SPG11: variants seen among roughly 807,000 people sequenced by gnomAD.
The protein encoded by SPG11 is spatacsin.
SPG11 carries 222 observed loss-of-function variants against 274.0 expected under a neutral mutation model. The observed-to-expected ratio is 0.81, with a 90% CI of 0.73 to 0.91. The LOEUF is 0.91. Among genes scored for constraint, SPG11 ranks in the 40% least tolerant of loss-of-function variants. The probability of loss-of-function intolerance (pLI) is 0.00; values close to 1 mark genes in which losing one functional copy is unlikely to be tolerated. For missense variants in SPG11, 3,114 were observed against 2,872.7 expected (o/e 1.08, Z -1.92); for synonymous variants, 1,144 against 1,039.7 (o/e 1.10, Z -1.93).
chr15:44,602,482 T>C (rs575038784), intron 20 of SPG11, among the ~76,000 whole-genome samples: 45 of 151,398 alleles, frequency 3.0e-4, no homozygotes, highest in Middle Eastern at 3.4e-3. Flanking sequence ...ATGGTTTTTG[T>C]CTTTTTTTTT....
At chr15:44,570,774 C>T (rs2082407027) in intron 33 of SPG11, 116 bp from the exon 34 acceptor site, 26 of 1,366,886 alleles carry the variant, frequency 1.9e-5, no homozygotes, top group South Asian at 1.5e-4. Context: ...TGGAGAGGGC[C>T]GTCCCATCAG....
intron 16 of SPG11, among the ~76,000 whole-genome samples, chr15:44,615,065 T>C (rs1385271254): frequency 5.9e-5 from 9 of 152,222 alleles, no homozygotes. Flanking sequence ...AGTAAAACTT[T>C]AGAATCTTCC....
chr15:44,573,377 G>C (rs1215838957), intron 32 of SPG11, 170 bp downstream of exon 32: 1 of 709,622 alleles, frequency 1.4e-6, no homozygotes, highest in African/African-American at 1.8e-5. Flanking sequence ...CATGTATTTT[G>C]TAAAAAATAA....
chr15:44,592,533 A>G, intron 26 of SPG11, 95 bp from the exon 27 acceptor site: 2 of 806,378 alleles, frequency 2.5e-6, no homozygotes, highest in Non-Finnish European at 4.2e-6. Flanking sequence ...AATGCTATTA[A>G]TAAGGCAGGG....
At chr15:44,605,889 G>A (rs1214506054) in intron 20 of SPG11, 136 bp downstream of exon 20, 5 of 764,578 alleles carry the variant, frequency 6.5e-6, no homozygotes, top group Admixed American at 4.2e-5. Context: ...CTGTCTTTGC[G>A]AACTATTTTT....
At chr15:44,612,148 T>C (rs1414713722) in intron 17 of SPG11, among the ~76,000 whole-genome samples, 1 of 152,186 alleles carries the variant, frequency 6.6e-6, no homozygotes, top group Non-Finnish European at 1.5e-5. Context: ...GAAAATTCTG[T>C]TATAATATTA....
chr15:44,616,340 G>A (rs2083593006), intron 15 of SPG11, among the ~76,000 whole-genome samples: 2 of 151,802 alleles, frequency 1.3e-5, no homozygotes, highest in South Asian at 4.2e-4. Flanking sequence ...TGAGTAGCTG[G>A]GACGACAGGC....
chr15:44,630,411 C>A (rs1305343758), intron 8 of SPG11, among the ~76,000 whole-genome samples: 2 of 152,170 alleles, frequency 1.3e-5, no homozygotes, highest in Non-Finnish European at 2.9e-5. Flanking sequence ...CACCAAACAA[C>A]AGAAGTGAAT....
chr15:44,609,577 C>T (rs955591447), intron 18 of SPG11, among the ~76,000 whole-genome samples: 6 of 152,034 alleles, frequency 3.9e-5, no homozygotes, highest in Non-Finnish European at 5.9e-5. Flanking sequence ...AAATAGTAGA[C>T]AATAATTACT....
At chr15:44,570,485 T>C (rs1477394803) in intron 34 of SPG11, 40 bp downstream of exon 34, 2 of 1,613,458 alleles carry the variant, frequency 1.2e-6, no homozygotes, top group Non-Finnish European at 1.7e-6. Context: ...CTCTCAAAGG[T>C]TTCCACAGGA....
chr15:44,574,198 T>TTC (rs1343823534), intron 31 of SPG11, among the ~76,000 whole-genome samples: 1 of 152,202 alleles, frequency 6.6e-6, no homozygotes, highest in Non-Finnish European at 1.5e-5. Context: ...GAGATGGGGT[T>TTC]TCTCCATGTT....
chr15:44,593,071 G>A (rs2082944334), intron 26 of SPG11, among the ~76,000 whole-genome samples: 1 of 151,444 alleles, frequency 6.6e-6, no homozygotes, highest in Non-Finnish European at 1.5e-5. Context: ...TTTTCCTTTT[G>A]GAAAAATGAT....
At chr15:44,579,642 T>A (rs1253542232) in intron 30 of SPG11, among the ~76,000 whole-genome samples, 1 of 151,636 alleles carries the variant, frequency 6.6e-6, no homozygotes, top group Non-Finnish European at 1.5e-5. Context: ...TGACAAAGAA[T>A]TTAAAGCAGC....
intron 38 of SPG11, 119 bp downstream of exon 38, chr15:44,565,735 C>T: frequency 7.7e-7 from 1 of 1,291,154 alleles, no homozygotes; most frequent in African/African-American, 1.5e-5. Context: ...AGAGTTAAAT[C>T]AGAACTGTAC....
At chr15:44,582,740 C>G (rs2082681326) in intron 30 of SPG11, among the ~76,000 whole-genome samples, 1 of 151,650 alleles carries the variant, frequency 6.6e-6, no homozygotes, top group African/African-American at 2.4e-5. Flanking sequence ...CTAATGTAAT[C>G]TACTATATTA....
chr15:44,590,730 G>A (rs77109614), intron 27 of SPG11: 1 of 152,084 alleles, frequency 6.6e-6, no homozygotes, highest in Admixed American at 6.6e-5. Context: ...CGTTTTGGTG[G>A]AATAGAAACT....
chr15:44,572,720 A>C lies in SPG11; in HGVS notation c.6306T>G (p.Asp2102Glu). 1.2e-6 allele frequency: 2 copies of C among 1,614,192 alleles called. No individual in the cohort carries two copies. The highest frequency in any genetic ancestry group is 1.7e-6 in the Non-Finnish European group (2 of 1,180,014). ...CCCCATGGGGAACGGAGGAAATCTT[A>C]TCCAACAACTTCATGCCTACCAATG... ...DRTLVGMKLL[D>E]KISSVPHGEL... is the part of the protein sequence containing the mutation. Residue 2102 changes from aspartate to glutamate, a missense_variant, in exon 33 of 40, where the codon GAT becomes GAG. Transcript: ENST00000261866.
At chr15:44,568,412 A>AT (rs1303354640) in intron 35 of SPG11, among the ~76,000 whole-genome samples, 4 of 152,162 alleles carry the variant, frequency 2.6e-5, no homozygotes, top group South Asian at 2.1e-4. Context: ...TTAAAGAGAG[A>AT]TTTTTTTCTG....
intron 28 of SPG11, among the ~76,000 whole-genome samples, chr15:44,588,183 C>T (rs1367739301): frequency 6.6e-6 from 1 of 151,844 alleles, no homozygotes; most frequent in Non-Finnish European, 1.5e-5. Context: ...ACAACATTAT[C>T]ATTCAATAAA....
Sources: allele counts gnomAD v4.1 joint callset (sites outside exome capture counted in the v4.1 genomes callset), GRCh38; gene constraint gnomAD v4.1.1; transcripts MANE v1.5; gene names NCBI Gene and HGNC (gene_info 2026-07-23, HGNC 2026-07-21).